PARP9: variants seen among roughly 807,000 people sequenced by gnomAD.
PARP9 encodes poly(ADP-ribose) polymerase family member 9.
PARP9 carries 48 observed loss-of-function variants against 68.8 expected under a neutral mutation model. The observed-to-expected ratio is 0.70, with a 90% CI of 0.55 to 0.89. The LOEUF (loss-of-function observed/expected upper bound fraction) is 0.89, where lower values mean the gene tolerates loss of function less well. Among genes scored for constraint, PARP9 ranks in the 40% least tolerant of loss-of-function variants. The probability of loss-of-function intolerance (pLI) is 0.00; values close to 1 mark genes in which losing one functional copy is unlikely to be tolerated. For missense variants in PARP9, 806 were observed against 969.3 expected (o/e 0.83, Z 2.24); for synonymous variants, 309 against 333.8 (o/e 0.93, Z 0.81).
At chr3:122,539,604 AG>A (rs2078025969) in intron 8 of PARP9, among the ~76,000 whole-genome samples, 1 of 138,380 alleles carries the variant, frequency 7.2e-6, no homozygotes, top group Admixed American at 7.7e-5. Flanking sequence ...TTTGTTGCCC[AG>A]GCTGGAGTGC....
intron 9 of PARP9, chr3:122,536,563 T>A: frequency 5.9e-6 from 5 of 846,506 alleles, no homozygotes; most frequent in Non-Finnish European, 8.7e-6. Flanking sequence ...TAAATTCCTT[T>A]AACAAAAATT....
chr3:122,540,731 G>A lies in PARP9; in HGVS notation c.1506C>T (p.Ile502=), dbSNP rs760074259. Residue 502 remains isoleucine, a synonymous_variant, in exon 8 of 11, where the codon ATC becomes ATT. Transcript: ENST00000682323. ...TGATGTGGTGGTTCTGGAGACTCAG[G>A]ATTCTTTGGATCCATGCGTGGGCCT... ...MYEAHAWIQR[I]LSLQNHHIIE... is the part of the protein sequence containing the mutation. The A allele has an allele frequency of 6.2e-7, 1 of 1,614,118 alleles. No homozygotes were observed. Among genetic ancestry groups the A allele is most frequent in the South Asian group, 1.1e-5 (1 of 91,064 alleles).
At chr3:122,539,506 C>CCTTT (rs1559818279) in intron 8 of PARP9, among the ~76,000 whole-genome samples, 5 of 125,906 alleles carry the variant, frequency 4.0e-5, no homozygotes, top group African/African-American at 1.2e-4. Context: ...CCCAAGATGG[C>CCTTT]ATTTCTTTCT....
intron 7 of PARP9, among the ~76,000 whole-genome samples, chr3:122,543,167 T>G (rs941238406): frequency 3.3e-5 from 5 of 152,188 alleles, no homozygotes; most frequent in African/African-American, 1.2e-4. Context: ...TGCCTCGGCC[T>G]CCCAAAGTGC....
chr3:122,563,035 G>A (rs963355866), intron 1 of PARP9, among the ~76,000 whole-genome samples: 5 of 152,064 alleles, frequency 3.3e-5, no homozygotes, highest in African/African-American at 9.7e-5. Context: ...CAGTAAAGAC[G>A]GGCCCATTTC....
chr3:122,558,118 A>G (rs2079860575), intron 3 of PARP9, among the ~76,000 whole-genome samples: 1 of 152,176 alleles, frequency 6.6e-6, no homozygotes, highest in Admixed American at 6.5e-5. Flanking sequence ...GGCCAGAACT[A>G]TTTAGCTTGT....
chr3:122,532,272 CAT>C (rs2077364326), intron 10 of PARP9: 2 of 985,288 alleles, frequency 2.0e-6, no homozygotes, highest in Non-Finnish European at 2.4e-6. Context: ...ATGGAAAAGA[CAT>C]AGAGTGGCCT....
In PARP9 at chr3:122,555,514, A is replaced by C; in HGVS notation, c.657T>G (p.Thr219=). 1 of 1,614,184 alleles carries C rather than the reference A, an allele frequency of 6.2e-7. No individual in the cohort carries two copies. The highest frequency in any genetic ancestry group is 2.2e-5 in the East Asian group (1 of 44,886). Residue 219 remains threonine, a synonymous_variant, in exon 4 of 11, where the codon ACT becomes ACG. Coordinates refer to ENST00000682323, the MANE Select transcript of PARP9 (RefSeq NM_001146105.2). ...FQFPLNLCTK[T]IVETIRVSLQ... ...AACTAACCCGGATAGTCTCTACAAT[A>C]GTCTTTGTACACAAATTCAGAGGGA...
At chr3:122,535,637 A>T in intron 10 of PARP9, 1 of 985,714 alleles carries the variant, frequency 1.0e-6, no homozygotes, top group Non-Finnish European at 1.2e-6. Flanking sequence ...GGAGTTACAC[A>T]TAGAACTCCT....
At chr3:122,553,126 G>C (rs1217961744) in intron 4 of PARP9, among the ~76,000 whole-genome samples, 1 of 152,160 alleles carries the variant, frequency 6.6e-6, no homozygotes, top group Non-Finnish European at 1.5e-5. Context: ...CAAGGTTAAA[G>C]AAACTCCAAA....
At chr3:122,558,538 ACCC>A in intron 2 of PARP9, 71 bp from the exon 3 acceptor site, 1 of 1,536,426 alleles carries the variant, frequency 6.5e-7, no homozygotes, top group Non-Finnish European at 8.9e-7. Flanking sequence ...TAACCAATAC[ACCC>A]TAGTAAACAC....
At chr3:122,552,919 A>G (rs747266136) in intron 4 of PARP9, among the ~76,000 whole-genome samples, 3 of 152,210 alleles carry the variant, frequency 2.0e-5, no homozygotes, top group Non-Finnish European at 4.4e-5. Flanking sequence ...TTACCTTACC[A>G]GATGGCTAGA....
chr3:122,538,279 C>CA (rs1418279223), intron 8 of PARP9, among the ~76,000 whole-genome samples: 2 of 152,184 alleles, frequency 1.3e-5, no homozygotes, highest in African/African-American at 2.4e-5. Context: ...ACATGTCAGG[C>CA]ACTGGGCTGG....
In PARP9 at chr3:122,536,186, T is replaced by G; in HGVS notation, c.2062A>C (p.Met688Leu). 1 of 1,614,136 alleles carries G rather than the reference T, an allele frequency of 6.2e-7. No individual in the cohort carries two copies. Among genetic ancestry groups the G allele is most frequent in the East Asian group, 2.2e-5 (1 of 44,888 alleles). The part of the protein sequence containing the change: ...NVVCRVGFQR[M>L]YSTPCDPKYG... ...CACCTACCGCAAGGTGTCGAGTACA[T>G]TCTTTGAAAGCCAACTCTGCATACC... The change falls in exon 10 of 11, where the codon ATG becomes CTG. Residue 688 changes from methionine (M) to leucine (L), a missense_variant. Transcript: ENST00000682323.
chr3:122,550,742 T>C lies in PARP9; in HGVS notation c.1168A>G (p.Ile390Val), dbSNP rs1177672575. The C allele has an allele frequency of 1.4e-5, 22 of 1,613,998 alleles. No individual in the cohort carries two copies. The highest frequency in any genetic ancestry group is 1.8e-5 in the Non-Finnish European group (21 of 1,180,030). Residue 390 changes from isoleucine to valine, a missense_variant, in exon 6 of 11, where the codon ATT (isoleucine) becomes GTT (valine). Physicochemically the swap from Ile to Val is conservative, Grantham distance 29 (BLOSUM62 3). Transcript: ENST00000682323. ...EKCIEQNITS[I>V]SFPALGTGNM... is the part of the protein sequence containing the mutation. Reference sequence around the variant, plus strand: ...CCAGTCCCAAGGGCAGGAAAGGAAATGGAAGTTATATTTTGCTCAATGCAT... The same window carrying C: ...CCAGTCCCAAGGGCAGGAAAGGAAACGGAAGTTATATTTTGCTCAATGCAT...
In PARP9 at chr3:122,552,598, T is replaced by G. The variant is rs1203533330; in HGVS notation, c.927A>C (p.Thr309=). The G allele has an allele frequency of 6.2e-7, 1 of 1,613,892 alleles. No individual in the cohort carries two copies. Among genetic ancestry groups the G allele is most frequent in the South Asian group, 1.1e-5 (1 of 91,084 alleles). ...IVNSVNPHDI[T]VGPVAKSILQ... is the part of the protein sequence containing the mutation. ...GAATTGACTTTGCCACAGGTCCAAC[T>G]GTAATATCATGTGGGTTTACAGAAT... The change falls in exon 5 of 11, where the codon ACA becomes ACC. Residue 309 remains threonine, a synonymous_variant. Coordinates refer to ENST00000682323, the MANE Select transcript of PARP9 (RefSeq NM_001146105.2).
At chr3:122,549,999 A>G (rs890643011) in intron 6 of PARP9, among the ~76,000 whole-genome samples, 1 of 152,238 alleles carries the variant, frequency 6.6e-6, no homozygotes, top group Non-Finnish European at 1.5e-5. Flanking sequence ...ACCTTTAAGG[A>G]GCAGAGGGAA....
At chr3:122,538,192 C>T (rs556233241) in intron 8 of PARP9, among the ~76,000 whole-genome samples, 3,336 of 152,188 alleles carry the variant, frequency 0.022, 123 homozygotes, top group African/African-American at 0.074. Context: ...CTTTGGGGAG[C>T]AATAGCTCAT....
chr3:122,545,744 C>T lies in PARP9; in HGVS notation c.1327-255G>A, dbSNP rs73192114. On this transcript the variant is annotated intron_variant, in intron 6 of 10. Coordinates refer to ENST00000682323, the MANE Select transcript of PARP9 (RefSeq NM_001146105.2). ...TATAAATAAAGAAGACTATACATTC[C>T]GAGACAAAATATAACCGTGCATTCA... The T allele has an allele frequency of 0.15, 68,791 of 453,162 alleles. 5,772 individuals carry two copies. The highest frequency in any genetic ancestry group is 0.27 in the Middle Eastern group (469 of 1,718). The allele number at this position is 453,162 out of a possible 1,614,324, so 28.1% of individuals were successfully genotyped here.
Sources: gnomAD v4.1 joint callset for allele counts (sites outside exome capture counted in the v4.1 genomes callset) on GRCh38, gnomAD v4.1.1 for gene constraint, MANE v1.5 for transcripts, NCBI Gene and HGNC (gene_info 2026-07-23, HGNC 2026-07-21) for gene names.